The following DNM3 variants were observed in gnomAD, a reference collection of about 807,000 sequenced individuals.
DNM3 encodes dynamin 3, also known as dynamin-3.
A neutral mutation model predicts 101.6 loss-of-function variants in DNM3; 47 were observed. The observed-to-expected ratio is 0.46, with a 90% CI of 0.37 to 0.59. DNM3 has a LOEUF of 0.59. Ranked by LOEUF, DNM3 falls within the 20% of genes least tolerant of loss-of-function variation. The pLI, the probability that DNM3 is intolerant of heterozygous loss-of-function variation, is 0.00. For synonymous variants in DNM3, 385 were observed against 387.9 expected (o/e 0.99, Z 0.09); for missense variants, 849 against 1,085.7 (o/e 0.78, Z 3.06).
chr1:172,037,221 A>T (rs893101136), intron 6 of DNM3, among the ~76,000 whole-genome samples: 3 of 152,204 alleles, frequency 2.0e-5, no homozygotes, highest in Non-Finnish European at 4.4e-5. Context: ...CCCTTGTGGA[A>T]GTCAGTGTCT....
chr1:172,205,284 A>G (rs1356000903), intron 14 of DNM3, among the ~76,000 whole-genome samples: 2 of 152,198 alleles, frequency 1.3e-5, no homozygotes, highest in East Asian at 3.9e-4. Context: ...TTCCATTTCA[A>G]GAACACACTA....
chr1:172,164,232 C>CTTTTTTTTT (rs3980440), intron 14 of DNM3, among the ~76,000 whole-genome samples: 47 of 126,624 alleles, frequency 3.7e-4, no homozygotes, highest in East Asian at 8.9e-4. Context: ...CTTTTCTTTT[C>CTTTTTTTTT]TTTTTTTTTT....
intron 17 of DNM3, among the ~76,000 whole-genome samples, chr1:172,358,740 T>G (rs1290584312): frequency 2.6e-5 from 4 of 152,040 alleles, no homozygotes; most frequent in Admixed American, 2.6e-4. Flanking sequence ...CAGACTGCTT[T>G]TCTTGAGATA....
At chr1:172,145,034 A>C (rs2057804674) in intron 14 of DNM3, among the ~76,000 whole-genome samples, 1 of 152,084 alleles carries the variant, frequency 6.6e-6, no homozygotes, top group African/African-American at 2.4e-5. Flanking sequence ...TCAACTGGGC[A>C]GGAAGTGGGC....
Position 172,388,652 on chromosome 1 carries a change from C to G in DNM3, c.2365C>G (p.Pro789Ala), listed in dbSNP as rs1367115801. Reference sequence around the variant, plus strand: ...CGCAAGGCCCACATCCGGCCGAGGACCAGCTCCTGCCATTCCCTCTCCTGG... The same window carrying G: ...CGCAAGGCCCACATCCGGCCGAGGAGCAGCTCCTGCCATTCCCTCTCCTGG... ...PLARPTSGRG[P>A]APAIPSPGPH... Residue 789 changes from proline to alanine, a missense_variant, in exon 20 of 21, where the codon CCA becomes GCA. By Grantham distance (27) the Pro-to-Ala change is conservative (BLOSUM62 -1). Coordinates refer to ENST00000627582, the MANE Select transcript of DNM3 (RefSeq NM_015569.5). 3.1e-6 allele frequency: 5 copies of G among 1,614,014 alleles called. No homozygotes were observed. In the South Asian group the frequency reaches 4.4e-5, roughly 14 times the overall value.
intron 14 of DNM3, among the ~76,000 whole-genome samples, chr1:172,184,175 A>C (rs1236289440): frequency 6.6e-6 from 1 of 152,112 alleles, no homozygotes; most frequent in East Asian, 1.9e-4. Context: ...TCATTAAATG[A>C]TGTTAAAACC....
intron 1 of DNM3, among the ~76,000 whole-genome samples, chr1:171,872,447 C>G (rs2035381847): frequency 6.6e-6 from 1 of 152,068 alleles, no homozygotes. Flanking sequence ...TACTGGATCT[C>G]CTGTAGTGCT....
rs144021944 is a variant in DNM3, at chr1:172,321,835, C to T, written c.1882-1494C>T. Among the ~76,000 whole-genome samples, 645 of 152,264 alleles carry T rather than the reference C, an allele frequency of 4.2e-3. 12 individuals are homozygous for T. The highest frequency in any genetic ancestry group is 0.015 in the African/African-American group (606 of 41,558). ...GCACTACTTGGGAGAACCAGGGTCC[C>T]ATTATTCTCTAAAATAAGACTTTTA... On this transcript the variant is annotated intron_variant, in intron 16 of 20. Transcript: ENST00000627582.
In DNM3 at chr1:172,350,315, C is replaced by CG. The variant is rs1558030265; in HGVS notation, c.1893+26975_1893+26976insG. 5.9e-3 allele frequency among the ~76,000 whole-genome samples: 398 copies of CG among 67,564 alleles called. 3 individuals carry two copies. The highest frequency in any genetic ancestry group is 0.018 in the African/African-American group (356 of 19,886). 44.3% of individuals were successfully genotyped at this position (67,564 alleles called of 152,430 possible). ...CATTTTTCATACCCTTCCATTTTAT[C>CG]TTGTGTGTGTGTGTGTGTGTGTGTG... is the stretch of plus-strand genomic sequence containing the variant. On this transcript the variant is annotated intron_variant, in intron 17 of 20. Transcript: ENST00000627582.
At chr1:172,110,029 T>C (rs2055347828) in intron 13 of DNM3, among the ~76,000 whole-genome samples, 1 of 152,218 alleles carries the variant, frequency 6.6e-6, no homozygotes, top group South Asian at 2.1e-4. Context: ...CAAAAAAAAT[T>C]CTGAACCTGT....
chr1:172,042,494 T>A (rs1158513141), intron 8 of DNM3, among the ~76,000 whole-genome samples: 1 of 152,124 alleles, frequency 6.6e-6, no homozygotes, highest in African/African-American at 2.4e-5. Context: ...GACAGAAAAT[T>A]AACAAATAGA....
At chr1:172,368,019 A>T (rs1470077405) in intron 17 of DNM3, among the ~76,000 whole-genome samples, 1 of 151,700 alleles carries the variant, frequency 6.6e-6, no homozygotes, top group Non-Finnish European at 1.5e-5. Context: ...GTGAGGAGGG[A>T]CATATTTGCG....
chr1:172,001,518 C>T (rs1395493972), intron 4 of DNM3, among the ~76,000 whole-genome samples: 1 of 152,008 alleles, frequency 6.6e-6, no homozygotes, highest in Non-Finnish European at 1.5e-5. Flanking sequence ...CATTACCCAT[C>T]CAGTTTGTCA....
chr1:172,099,723 A>G (rs547309610), intron 13 of DNM3, among the ~76,000 whole-genome samples: 1 of 152,346 alleles, frequency 6.6e-6, no homozygotes, highest in African/African-American at 2.4e-5. Flanking sequence ...AGTGAGTGGC[A>G]TGTTGTACTT....
intron 16 of DNM3, among the ~76,000 whole-genome samples, chr1:172,312,518 A>G (rs927964947): frequency 2.6e-5 from 4 of 152,090 alleles, no homozygotes; most frequent in African/African-American, 7.2e-5. Flanking sequence ...CATTCTCACT[A>G]TATATTTTTT....
At chr1:172,163,958 C>CACATGCATACATATATAT (rs2058651829) in intron 14 of DNM3, among the ~76,000 whole-genome samples, 1 of 36,072 alleles carries the variant, frequency 2.8e-5, no homozygotes, top group Non-Finnish European at 5.8e-5. Flanking sequence ...CATATATATA[C>CACATGCATACATATATAT]ACACACACAC....
At chr1:171,995,658 G>A (rs1271381721) in intron 4 of DNM3, among the ~76,000 whole-genome samples, 3 of 152,088 alleles carry the variant, frequency 2.0e-5, no homozygotes, top group Admixed American at 6.6e-5. Context: ...GATGGTGAGG[G>A]CAATCTGGTT....
At chr1:171,923,803 A>G (rs984436444) in intron 2 of DNM3, among the ~76,000 whole-genome samples, 4 of 152,158 alleles carry the variant, frequency 2.6e-5, no homozygotes, top group East Asian at 1.9e-4. Flanking sequence ...GCAGTCCCCA[A>G]TAGGTAGAAT....
intron 4 of DNM3, among the ~76,000 whole-genome samples, chr1:171,992,322 A>G (rs1275476837): frequency 6.6e-6 from 1 of 152,142 alleles, no homozygotes; most frequent in Non-Finnish European, 1.5e-5. Context: ...GGTGAGAGCA[A>G]TGAATGTTTG....
Sources: gnomAD v4.1 joint callset for allele counts (sites outside exome capture counted in the v4.1 genomes callset) on GRCh38, gnomAD v4.1.1 for gene constraint, MANE v1.5 for transcripts, NCBI Gene and HGNC (gene_info 2026-07-23, HGNC 2026-07-21) for gene names.